EBF3: variants seen among roughly 807,000 people sequenced by gnomAD.
EBF3 encodes transcription factor COE3.
EBF3 carries 18 observed loss-of-function variants against 77.1 expected under a neutral mutation model. The ratio of observed to expected loss-of-function variants is 0.23; its 90% CI spans 0.16 to 0.35. The LOEUF is 0.35. Ranked by LOEUF, EBF3 falls within the 10% of genes least tolerant of loss-of-function variation. The probability of loss-of-function intolerance (pLI) is 1.00; values close to 1 mark genes in which losing one functional copy is unlikely to be tolerated. For synonymous variants in EBF3, 350 were observed against 343.5 expected (o/e 1.02, Z -0.21); for missense variants, 558 against 860.0 (o/e 0.65, Z 4.39).
chr10:129,915,370 C>T (rs1480740175), intron 6 of EBF3, among the ~76,000 whole-genome samples: 2 of 151,938 alleles, frequency 1.3e-5, no homozygotes, highest in African/African-American at 4.8e-5. Context: ...ACCTCAACTC[C>T]CAAAGTTACT....
chr10:129,913,276 T>C (rs1274301173), intron 6 of EBF3, among the ~76,000 whole-genome samples: 1 of 152,246 alleles, frequency 6.6e-6, no homozygotes, highest in Non-Finnish European at 1.5e-5. Flanking sequence ...GGTGACTCTG[T>C]GTGCCTTTAA....
chr10:129,946,408 C>T (rs1858229044), intron 6 of EBF3, among the ~76,000 whole-genome samples: 1 of 152,242 alleles, frequency 6.6e-6, no homozygotes, highest in South Asian at 2.1e-4. Context: ...GCGGCAGTTA[C>T]TTGTCATGAC....
intron 11 of EBF3, 189 bp from the exon 12 acceptor site, chr10:129,843,391 G>A (rs77585913): frequency 1.8e-6 from 1 of 552,978 alleles, no homozygotes; most frequent in East Asian, 2.9e-5. Flanking sequence ...ACTGTTTGTG[G>A]CCTTTACAAG....
chr10:129,962,914 G>A (rs1174006400), intron 3 of EBF3, 28 bp downstream of exon 3: 3 of 1,612,536 alleles, frequency 1.9e-6, no homozygotes, highest in Non-Finnish European at 2.5e-6. Context: ...GCCGCTGCAG[G>A]GGCGGCGAGC....
chr10:129,943,401 T>C lies in EBF3; in HGVS notation c.554+13857A>G, dbSNP rs374737384. On this transcript the variant is annotated intron_variant, in intron 6 of 16. Transcript: ENST00000440978. The surrounding 1 kb of genome is among the most constrained non-coding windows in gnomAD (Gnocchi z 8.8). ...AGCACAAGAAGGTTGTCTTATAGGC[T>C]TGGCTGGATAATTTCATTTTAAAAG... Among the ~76,000 whole-genome samples, 5 of 152,384 alleles carry C rather than the reference T, an allele frequency of 3.3e-5. No homozygotes were observed. In the South Asian group the frequency reaches 8.3e-4, roughly 25 times the overall value.
chr10:129,868,655 GA>G (rs1354726099), intron 8 of EBF3, among the ~76,000 whole-genome samples: 1 of 152,204 alleles, frequency 6.6e-6, no homozygotes, highest in Non-Finnish European at 1.5e-5. Flanking sequence ...GTGCAGGGGG[GA>G]GGGGACCAAG....
intron 6 of EBF3, among the ~76,000 whole-genome samples, chr10:129,936,520 C>T (rs993929925): frequency 1.3e-5 from 2 of 152,104 alleles, no homozygotes; most frequent in Non-Finnish European, 2.9e-5. Flanking sequence ...TGCAGGGGAC[C>T]CTCAGCTGTG....
chr10:129,916,715 C>A (rs1053887964), intron 6 of EBF3, among the ~76,000 whole-genome samples: 54 of 152,174 alleles, frequency 3.5e-4, no homozygotes, highest in Non-Finnish European at 4.0e-4. Context: ...CCAGGGCCCC[C>A]AATAATGGAC....
intron 6 of EBF3, among the ~76,000 whole-genome samples, chr10:129,902,913 T>C (rs1484516636): frequency 6.6e-6 from 1 of 152,122 alleles, no homozygotes; most frequent in Non-Finnish European, 1.5e-5. Context: ...GCCTGGTAAA[T>C]GCCAATTCAC....
intron 6 of EBF3, among the ~76,000 whole-genome samples, chr10:129,911,238 G>A (rs1017511561): frequency 1.1e-4 from 17 of 152,226 alleles, no homozygotes; most frequent in African/African-American, 3.4e-4. Flanking sequence ...CGGAGCACAG[G>A]GTAAGGTCAC....
At chr10:129,961,871 CAA>C (rs977764961) in intron 4 of EBF3, among the ~76,000 whole-genome samples, 1 of 152,026 alleles carries the variant, frequency 6.6e-6, no homozygotes, top group Non-Finnish European at 1.5e-5. Flanking sequence ...TAAAAATAAA[CAA>C]GAGGGGGGAC....
chr10:129,866,608 C>T (rs1001726803), intron 10 of EBF3, among the ~76,000 whole-genome samples: 4 of 152,202 alleles, frequency 2.6e-5, no homozygotes, highest in East Asian at 1.9e-4. Flanking sequence ...TAGGAAGCAG[C>T]GTCATGCAGG....
At chr10:129,871,344 T>C (rs1457118109) in intron 8 of EBF3, among the ~76,000 whole-genome samples, 3 of 152,230 alleles carry the variant, frequency 2.0e-5, no homozygotes, top group Non-Finnish European at 4.4e-5. Context: ...TAATCTGCCT[T>C]GCTTTTTGTG....
intron 6 of EBF3, among the ~76,000 whole-genome samples, chr10:129,918,265 G>A (rs982295368): frequency 6.6e-6 from 1 of 152,240 alleles, no homozygotes; most frequent in East Asian, 1.9e-4. Flanking sequence ...ACCTAAGCGG[G>A]CAGAGGTGTC....
At chr10:129,913,628 T>C (rs1477682465) in intron 6 of EBF3, among the ~76,000 whole-genome samples, 1 of 152,168 alleles carries the variant, frequency 6.6e-6, no homozygotes, top group South Asian at 2.1e-4. Context: ...GTATTCCTTG[T>C]AAAAAATAAA....
chr10:129,859,764 G>A (rs991263797), intron 10 of EBF3, among the ~76,000 whole-genome samples: 1 of 152,216 alleles, frequency 6.6e-6, no homozygotes, highest in Non-Finnish European at 1.5e-5. Context: ...ATAGTCTATC[G>A]ATTCCAGCCA....
intron 6 of EBF3, among the ~76,000 whole-genome samples, chr10:129,918,789 G>T (rs1856069704): frequency 6.6e-6 from 1 of 152,222 alleles, no homozygotes; most frequent in South Asian, 2.1e-4. Flanking sequence ...CAACGGCAGG[G>T]GTGGAATCAG....
intron 6 of EBF3, among the ~76,000 whole-genome samples, chr10:129,921,217 C>A (rs568220602): frequency 2.0e-5 from 3 of 152,106 alleles, no homozygotes; most frequent in Non-Finnish European, 4.4e-5. Context: ...GCAAGGGGTC[C>A]CTGAAGCAGC....
intron 6 of EBF3, among the ~76,000 whole-genome samples, chr10:129,908,257 T>A (rs541455318): frequency 1.3e-5 from 2 of 152,266 alleles, no homozygotes; most frequent in East Asian, 3.9e-4. Context: ...AGCGGGAGGA[T>A]TTTCCAGCTT....
Sources: allele counts gnomAD v4.1 joint callset (sites outside exome capture counted in the v4.1 genomes callset), GRCh38; gene constraint gnomAD v4.1.1; non-coding constraint Gnocchi (gnomAD v3.1); transcripts MANE v1.5; gene names NCBI Gene and HGNC (gene_info 2026-07-23, HGNC 2026-07-21).